IGSF11: variants seen among roughly 807,000 people sequenced by gnomAD.
The protein encoded by IGSF11 is immunoglobulin superfamily member 11.
IGSF11 carries 22 observed loss-of-function variants against 41.0 expected under a neutral mutation model. The ratio of observed to expected loss-of-function variants is 0.54; its 90% CI spans 0.38 to 0.77. IGSF11 has a LOEUF of 0.77. Among genes scored for constraint, IGSF11 ranks in the 30% least tolerant of loss-of-function variants. The pLI is 0.00. For missense variants in IGSF11, 444 were observed against 530.8 expected (o/e 0.84, Z 1.61); for synonymous variants, 219 against 201.3 (o/e 1.09, Z -0.74).
chr3:118,945,273 T>A lies in IGSF11; in HGVS notation c.53-14998A>T, dbSNP rs947816179. Among the ~76,000 whole-genome samples, 9 of 152,154 alleles carry A rather than the reference T, an allele frequency of 5.9e-5. 1 individual carries two copies. The highest frequency in any genetic ancestry group is 3.9e-4 in the Admixed American group (6 of 15,280). ...TAGTCATATAATCGTCCCAGTAGCA[T>A]CAAACTTCTCAAGAAAATTGTGGTC... On this transcript the variant is annotated intron_variant, in intron 1 of 6. Transcript: ENST00000393775.
chr3:118,999,629 A>G (rs1189588071), intron 1 of IGSF11, among the ~76,000 whole-genome samples: 1 of 152,202 alleles, frequency 6.6e-6, no homozygotes, highest in African/African-American at 2.4e-5. Flanking sequence ...AATTTTTCTC[A>G]TTGCACTGTA....
chr3:118,935,241 A>G (rs1198841964), intron 1 of IGSF11, among the ~76,000 whole-genome samples: 3 of 145,390 alleles, frequency 2.1e-5, no homozygotes, highest in Non-Finnish European at 4.5e-5. Flanking sequence ...ATATACATAT[A>G]TATATGTATA....
intron 1 of IGSF11, among the ~76,000 whole-genome samples, chr3:119,104,545 G>GT (rs1441941607): frequency 6.6e-6 from 1 of 152,038 alleles, no homozygotes; most frequent in African/African-American, 2.4e-5. Context: ...CAATTTCTAT[G>GT]TATTAACTCA....
At chr3:119,108,574 C>T (rs1378955579), upstream of IGSF11, among the ~76,000 whole-genome samples, 111 of 140,598 alleles carry the variant, frequency 7.9e-4, no homozygotes, top group African/African-American at 2.6e-3. Context: ...ATTGAATACC[C>T]TTTATTTCCT....
rs551002880 is a variant in IGSF11, at chr3:119,045,846, G to A, written c.49+59298C>T. On this transcript the variant is annotated intron_variant, in intron 1 of 6. Transcript: ENST00000354673. ...AGTGGGTCCCTGACCCCTGACCCCC[G>A]AGCAGCCTAACTGGGAGGCACCCCC... Among the ~76,000 whole-genome samples the A allele has an allele frequency of 4.8e-4, 73 of 151,966 alleles. 1 individual carries two copies. Among genetic ancestry groups the A allele is most frequent in the Non-Finnish European group, 7.2e-4 (49 of 67,976 alleles).
At chr3:119,078,532 G>C (rs1390050901) in intron 1 of IGSF11, among the ~76,000 whole-genome samples, 1 of 152,186 alleles carries the variant, frequency 6.6e-6, no homozygotes, top group Admixed American at 6.5e-5. Flanking sequence ...ATTGAAGCTG[G>C]ATGCATTCCT....
intron 1 of IGSF11, among the ~76,000 whole-genome samples, chr3:119,126,217 A>G (rs1022164058): frequency 6.6e-6 from 1 of 152,230 alleles, no homozygotes; most frequent in East Asian, 1.9e-4. Flanking sequence ...CTTGGTCCCA[A>G]TACTTGTCCC....
chr3:118,985,499 C>T (rs1935163144), intron 1 of IGSF11, among the ~76,000 whole-genome samples: 1 of 152,160 alleles, frequency 6.6e-6, no homozygotes, highest in Admixed American at 6.5e-5. Context: ...CCCAGACCTA[C>T]CTATCAAACT....
At chr3:119,085,369 C>T (rs949571910) in intron 1 of IGSF11, among the ~76,000 whole-genome samples, 1 of 152,164 alleles carries the variant, frequency 6.6e-6, no homozygotes, top group African/African-American at 2.4e-5. Context: ...CTGAAAACTT[C>T]CATAAATGAA....
rs1049085037 is a variant in IGSF11 at position 119,127,337 on chromosome 3, G to A, written c.-14+18476C>T. Among the ~76,000 whole-genome samples the A allele has an allele frequency of 5.3e-5, 8 of 150,666 alleles. No individual in the cohort carries two copies. In the East Asian group the frequency reaches 1.6e-3, roughly 29 times the overall value. ...GCAGACAAGAATTAAAAAAAAAAAT[G>A]AAAAGGAATGAAAAAAGCCTCCAAG... On this transcript the variant is annotated intron_variant, in intron 1 of 7. Transcript: ENST00000425327.
At chr3:119,004,409 A>G (rs892669132) in intron 1 of IGSF11, among the ~76,000 whole-genome samples, 1 of 151,290 alleles carries the variant, frequency 6.6e-6, no homozygotes, top group Non-Finnish European at 1.5e-5. Context: ...CTTTCAAAAA[A>G]CCAGCTCCTG....
At chr3:118,928,839 G>A in intron 2 of IGSF11, 123 bp from the exon 3 acceptor site, 2 of 695,136 alleles carry the variant, frequency 2.9e-6, no homozygotes, top group South Asian at 4.1e-5. Flanking sequence ...TTTCTAATAT[G>A]ATAATTATCA....
intron 4 of IGSF11, among the ~76,000 whole-genome samples, chr3:118,908,631 G>C (rs530974568): frequency 1.1e-4 from 16 of 152,310 alleles, no homozygotes; most frequent in African/African-American, 3.8e-4. Flanking sequence ...TCAATGGCAT[G>C]AAACTACATA....
intron 1 of IGSF11, chr3:119,112,806 C>G (rs2077199696): frequency 6.6e-6 from 1 of 152,198 alleles, no homozygotes; most frequent in South Asian, 2.1e-4. Flanking sequence ...GTGTATTAGT[C>G]CATTCTCACA....
At chr3:119,004,916 G>A (rs1048503995) in intron 1 of IGSF11, among the ~76,000 whole-genome samples, 1 of 152,124 alleles carries the variant, frequency 6.6e-6, no homozygotes, top group Non-Finnish European at 1.5e-5. Context: ...GTGTGGTGTG[G>A]TGCTGAAAAA....
At chr3:118,945,155 C>T (rs1944018898) in intron 1 of IGSF11, among the ~76,000 whole-genome samples, 1 of 151,890 alleles carries the variant, frequency 6.6e-6, no homozygotes, top group Non-Finnish European at 1.5e-5. Flanking sequence ...TAATAAATAG[C>T]AATTGAATTT....
chr3:119,119,772 G>A (rs1229491141), intron 1 of IGSF11, among the ~76,000 whole-genome samples: 1 of 152,136 alleles, frequency 6.6e-6, no homozygotes, highest in African/African-American at 2.4e-5. Context: ...GGTGGGGGAG[G>A]GGGGTTATCC....
intron 1 of IGSF11, chr3:118,981,684 T>C (rs989999851): frequency 6.6e-6 from 1 of 152,344 alleles, no homozygotes; most frequent in Non-Finnish European, 1.5e-5. Flanking sequence ...CCATACATAC[T>C]GTGCAGATAT....
chr3:118,989,122 C>A (rs1466779478), intron 1 of IGSF11, among the ~76,000 whole-genome samples: 1 of 152,094 alleles, frequency 6.6e-6, no homozygotes, highest in Admixed American at 6.6e-5. Flanking sequence ...GAGGAGGGAA[C>A]AAAAGATGGG....
Sources: gnomAD v4.1 joint callset for allele counts (sites outside exome capture counted in the v4.1 genomes callset) on GRCh38, gnomAD v4.1.1 for gene constraint, MANE v1.5 for transcripts, NCBI Gene and HGNC (gene_info 2026-07-23, HGNC 2026-07-21) for gene names.